The following CUEDC1 variants were observed in gnomAD, a reference collection of about 807,000 sequenced individuals.
CUEDC1 encodes the protein CUE domain containing 1, also known as CUE domain-containing protein 1.
A neutral mutation model predicts 43.7 loss-of-function variants in CUEDC1; 30 were observed. The ratio of observed to expected loss-of-function variants is 0.69; its 90% CI spans 0.51 to 0.93. The LOEUF (loss-of-function observed/expected upper bound fraction) is 0.93. Among genes scored for constraint, CUEDC1 ranks in the 40% least tolerant of loss-of-function variants. CUEDC1 has a pLI of 0.00. For missense variants in CUEDC1, 486 were observed against 549.0 expected (o/e 0.89, Z 1.15); for synonymous variants, 223 against 223.6 (o/e 1.00, Z 0.02).
chr17:57,909,148 A>AT (rs1008687999), intron 1 of CUEDC1, among the ~76,000 whole-genome samples: 3 of 151,958 alleles, frequency 2.0e-5, no homozygotes, highest in Admixed American at 2.0e-4. Context: ...TTATTTGTTA[A>AT]TTTTTTTTGA....
chr17:57,861,864 C>T lies in CUEDC1; in HGVS notation c.*1425G>A, dbSNP rs1210411618. 6.6e-6 allele frequency: 1 copy of T among 151,858 alleles called. No individual in the cohort carries two copies. The highest frequency in any genetic ancestry group is 1.5e-5 in the Non-Finnish European group (1 of 67,906). The allele number at this position is 151,858 out of a possible 1,614,324, so 9.4% of individuals were successfully genotyped here. On this transcript the variant is annotated 3_prime_UTR_variant, in exon 11 of 11. Coordinates refer to ENST00000577830, the MANE Select transcript of CUEDC1 (RefSeq NM_001271875.2). ...CGGGGAGCAGCGGAGGGGGCGACCG[C>T]TCCTCGGCAGGGCCCCCCGAGCCAG... is the stretch of plus-strand genomic sequence containing the variant.
At chr17:57,932,971 T>A in intron 1 of CUEDC1, among the ~76,000 whole-genome samples, 1 of 152,136 alleles carries the variant, frequency 6.6e-6, no homozygotes, top group Non-Finnish European at 1.5e-5. Flanking sequence ...TTGGAAGATG[T>A]TGAGCAGCAT....
intron 1 of CUEDC1, among the ~76,000 whole-genome samples, chr17:57,926,751 A>G (rs1236770023): frequency 6.6e-6 from 1 of 152,254 alleles, no homozygotes; most frequent in Non-Finnish European, 1.5e-5. Flanking sequence ...TTTCAGGACA[A>G]TATGCAAATT....
intron 4 of CUEDC1, among the ~76,000 whole-genome samples, chr17:57,873,149 C>T (rs528694544): frequency 6.6e-6 from 1 of 152,356 alleles, no homozygotes; most frequent in South Asian, 2.1e-4. Flanking sequence ...GACTGTGGAA[C>T]AGCCTATACG....
chr17:57,902,355 G>A (rs558961842), intron 1 of CUEDC1, among the ~76,000 whole-genome samples: 52 of 152,280 alleles, frequency 3.4e-4, no homozygotes, highest in Non-Finnish European at 6.8e-4. Context: ...ATACATTCAG[G>A]TAGTGCTTGA....
At chr17:57,949,437 A>G (rs918460886) in intron 1 of CUEDC1, among the ~76,000 whole-genome samples, 2 of 151,930 alleles carry the variant, frequency 1.3e-5, no homozygotes, top group African/African-American at 2.4e-5. Flanking sequence ...CCCTCCAGGC[A>G]TGTTCCAACG....
At chr17:57,875,119 C>T (rs552110459) in intron 3 of CUEDC1, among the ~76,000 whole-genome samples, 1 of 152,288 alleles carries the variant, frequency 6.6e-6, no homozygotes, top group Non-Finnish European at 1.5e-5. Context: ...TCATTTTTCT[C>T]CAAAGGCCAG....
At chr17:57,912,920 G>A (rs945050904) in intron 1 of CUEDC1, among the ~76,000 whole-genome samples, 3 of 152,054 alleles carry the variant, frequency 2.0e-5, no homozygotes, top group Admixed American at 6.6e-5. Context: ...ATAGCTCATC[G>A]TAGCCTCAAC....
intron 2 of CUEDC1, among the ~76,000 whole-genome samples, chr17:57,883,678 G>A (rs1046593355): frequency 2.6e-5 from 4 of 151,930 alleles, no homozygotes; most frequent in Admixed American, 6.6e-5. Context: ...AACCAAGATC[G>A]CGCCATTGCA....
At position 57,905,196 on chromosome 17, in the gene CUEDC1, C is replaced by T. The variant is rs1036134334; in HGVS notation, c.-315-19317G>A. 3.3e-5 allele frequency among the ~76,000 whole-genome samples: 5 copies of T among 151,146 alleles called. No individual in the cohort carries two copies. The East Asian group carries it at 5.9e-4, about 18-fold the overall frequency. On this transcript the variant is annotated intron_variant, in intron 1 of 10. Coordinates refer to ENST00000577830, the MANE Select transcript of CUEDC1 (RefSeq NM_001271875.2). ...AGTCACCATGAAGAACACTGCCACCCGGTACCACTAGAGACCAGCAGGCTA... is the reference window on the plus strand; with the variant it reads ...AGTCACCATGAAGAACACTGCCACCTGGTACCACTAGAGACCAGCAGGCTA...
chr17:57,938,451 T>C (rs1020708296), intron 1 of CUEDC1, among the ~76,000 whole-genome samples: 3 of 151,864 alleles, frequency 2.0e-5, no homozygotes, highest in Admixed American at 2.0e-4. Context: ...CCTCACAGCG[T>C]TATAATCCTT....
At chr17:57,864,445 G>A (rs550508604) in intron 10 of CUEDC1, among the ~76,000 whole-genome samples, 3 of 152,204 alleles carry the variant, frequency 2.0e-5, no homozygotes, top group Admixed American at 6.5e-5. Context: ...GGGAGTGGGC[G>A]GAGCAACAGG....
intron 9 of CUEDC1, 129 bp downstream of exon 9, chr17:57,867,228 C>T (rs912706394): frequency 1.2e-6 from 1 of 866,006 alleles, no homozygotes; most frequent in Non-Finnish European, 1.9e-6. Context: ...CTTTGGGTCA[C>T]CTGCCCACCA....
chr17:57,916,046 C>T (rs2074636539), intron 1 of CUEDC1, among the ~76,000 whole-genome samples: 1 of 152,224 alleles, frequency 6.6e-6, no homozygotes, highest in Non-Finnish European at 1.5e-5. Context: ...GAAGCCTCAT[C>T]TTCTCACGAG....
intron 2 of CUEDC1, among the ~76,000 whole-genome samples, chr17:57,882,641 AC>A (rs1568034528): frequency 1.3e-5 from 2 of 152,084 alleles, no homozygotes; most frequent in Non-Finnish European, 2.9e-5. Context: ...TTCCACCTCC[AC>A]CACCCCTGAG....
intron 1 of CUEDC1, among the ~76,000 whole-genome samples, chr17:57,939,084 C>T (rs1034203324): frequency 1.3e-5 from 2 of 151,596 alleles, no homozygotes; most frequent in African/African-American, 4.9e-5. Context: ...TCTCCTGCCT[C>T]AGCCTCCAGA....
At chr17:57,902,193 GAA>G (rs11420183) in intron 1 of CUEDC1, among the ~76,000 whole-genome samples, 1 of 140,982 alleles carries the variant, frequency 7.1e-6, no homozygotes, top group Non-Finnish European at 1.5e-5. Context: ...CTCCACCTCA[GAA>G]AAAAAAAAAC....
intron 1 of CUEDC1, among the ~76,000 whole-genome samples, chr17:57,920,256 A>G (rs1357485778): frequency 6.6e-6 from 1 of 152,222 alleles, no homozygotes; most frequent in Non-Finnish European, 1.5e-5. Flanking sequence ...AGCTACTCCA[A>G]ACAAACTGAA....
intron 5 of CUEDC1, among the ~76,000 whole-genome samples, chr17:57,872,162 A>G (rs944857346): frequency 1.3e-5 from 2 of 152,252 alleles, no homozygotes; most frequent in Non-Finnish European, 2.9e-5. Flanking sequence ...AAAGGCAGCC[A>G]GGCTAGGGAG....
Sources: allele counts gnomAD v4.1 joint callset (sites outside exome capture counted in the v4.1 genomes callset), GRCh38; gene constraint gnomAD v4.1.1; transcripts MANE v1.5; gene names NCBI Gene and HGNC (gene_info 2026-07-23, HGNC 2026-07-21).